NRXN1: variants seen among roughly 807,000 people sequenced by gnomAD.
The protein encoded by NRXN1 is neurexin 1, also known as neurexin-1.
In NRXN1, 39 loss-of-function variants were observed where a neutral mutation model predicts 150.9. The ratio of observed to expected loss-of-function variants is 0.26; its 90% CI spans 0.20 to 0.34. NRXN1 has a LOEUF of 0.34. Ranked by LOEUF, NRXN1 falls within the 10% of genes least tolerant of loss-of-function variation. The pLI is 1.00. For synonymous variants in NRXN1, 924 were observed against 757.0 expected (o/e 1.22, Z -3.62); for missense variants, 1,815 against 1,949.9 (o/e 0.93, Z 1.30).
intron 2 of NRXN1, among the ~76,000 whole-genome samples, chr2:50,995,306 G>A (rs904806843): frequency 2.0e-5 from 3 of 151,836 alleles, no homozygotes; most frequent in African/African-American, 7.3e-5. Flanking sequence ...GAAAAGACAG[G>A]AACTCAGAGG....
chr2:50,501,797 A>T (rs2091963396), intron 13 of NRXN1, among the ~76,000 whole-genome samples: 1 of 152,150 alleles, frequency 6.6e-6, no homozygotes, highest in Non-Finnish European at 1.5e-5. Context: ...GCTGGCAAAT[A>T]CTATCCTCAC....
At chr2:49,925,479 A>C (rs1182316251) in intron 22 of NRXN1, among the ~76,000 whole-genome samples, 1 of 152,104 alleles carries the variant, frequency 6.6e-6, no homozygotes, top group Non-Finnish European at 1.5e-5. Flanking sequence ...AATGTAGAGA[A>C]TAGTATCAAT....
At chr2:50,199,257 G>C (rs571957328) in intron 18 of NRXN1, 1 of 152,190 alleles carries the variant, frequency 6.6e-6, no homozygotes, top group South Asian at 2.1e-4. Context: ...ATTGGCTCCA[G>C]ATTTCATTAT....
intron 5 of NRXN1, among the ~76,000 whole-genome samples, chr2:50,828,001 A>G (rs1395054972): frequency 6.8e-6 from 1 of 148,072 alleles, no homozygotes; most frequent in African/African-American, 2.5e-5. Context: ...TCCCACGTCT[A>G]CTTCTTTCCA....
intron 8 of NRXN1, among the ~76,000 whole-genome samples, chr2:50,581,032 C>T (rs969009731): frequency 3.9e-5 from 6 of 152,092 alleles, no homozygotes; most frequent in Non-Finnish European, 8.8e-5. Context: ...GGACAATATA[C>T]TATGCTGAGA....
chr2:50,393,616 T>C (rs2081880473), intron 17 of NRXN1, among the ~76,000 whole-genome samples: 1 of 152,166 alleles, frequency 6.6e-6, no homozygotes, highest in African/African-American at 2.4e-5. Context: ...GTTCCTCACT[T>C]TTATCATAAC....
chr2:49,958,671 T>C (rs1675394261), intron 21 of NRXN1, among the ~76,000 whole-genome samples: 1 of 152,182 alleles, frequency 6.6e-6, no homozygotes, highest in Non-Finnish European at 1.5e-5. Flanking sequence ...AAACTTTTCT[T>C]GATGATTTGG....
chr2:51,003,804 C>G (rs947392317), intron 2 of NRXN1, among the ~76,000 whole-genome samples: 1 of 151,966 alleles, frequency 6.6e-6, no homozygotes, highest in African/African-American at 2.4e-5. Context: ...TGTTACCAAA[C>G]AAGAAGTGAG....
intron 8 of NRXN1, among the ~76,000 whole-genome samples, chr2:50,600,002 A>G (rs1285709009): frequency 1.3e-5 from 2 of 152,154 alleles, no homozygotes; most frequent in Non-Finnish European, 1.5e-5. Context: ...GAAATTAATT[A>G]TATATTAAAC....
rs2078838685 is a variant in NRXN1 at position 50,356,619 on chromosome 2, G to T, written c.3364+108823C>A. On this transcript the variant is annotated intron_variant, in intron 17 of 22. Transcript: ENST00000401669. ...TAGATCCAAAGACCTCTGTGGAATTGTTCCTGGTTGCGTTCAAGTACAGTA... is the reference window on the plus strand; with the variant it reads ...TAGATCCAAAGACCTCTGTGGAATTTTTCCTGGTTGCGTTCAAGTACAGTA... 2.0e-5 allele frequency among the ~76,000 whole-genome samples: 3 copies of T among 152,126 alleles called. No homozygotes were observed. The South Asian group carries it at 6.2e-4, about 31-fold the overall frequency.
At chr2:51,002,063 A>C (rs751528787) in intron 2 of NRXN1, among the ~76,000 whole-genome samples, 1 of 151,958 alleles carries the variant, frequency 6.6e-6, no homozygotes, top group Non-Finnish European at 1.5e-5. Flanking sequence ...CTTTTGTACA[A>C]CTGTCCACTC....
intron 5 of NRXN1, among the ~76,000 whole-genome samples, chr2:50,911,408 A>T (rs1337471465): frequency 6.6e-6 from 1 of 151,228 alleles, no homozygotes; most frequent in Non-Finnish European, 1.5e-5. Context: ...CTTACCATAC[A>T]TTTCCATATA....
intron 3 of NRXN1, among the ~76,000 whole-genome samples, chr2:50,925,581 T>C (rs1686735420): frequency 6.6e-6 from 1 of 151,840 alleles, no homozygotes; most frequent in Non-Finnish European, 1.5e-5. Context: ...TGATAAAAAA[T>C]GGAAAAAGGA....
At chr2:50,696,797 T>C (rs1043223246) in intron 5 of NRXN1, among the ~76,000 whole-genome samples, 2 of 152,168 alleles carry the variant, frequency 1.3e-5, no homozygotes, top group African/African-American at 4.8e-5. Context: ...CTAAGTTTCA[T>C]ATACTACCAG....
chr2:50,830,699 T>C (rs185176122), intron 5 of NRXN1, among the ~76,000 whole-genome samples: 2 of 150,064 alleles, frequency 1.3e-5, no homozygotes, highest in African/African-American at 4.9e-5. Context: ...GCTTGGTCCA[T>C]TTATAATACA....
chr2:50,111,444 G>A (rs1036511294), intron 18 of NRXN1, among the ~76,000 whole-genome samples: 1 of 151,932 alleles, frequency 6.6e-6, no homozygotes, highest in African/African-American at 2.4e-5. Context: ...GAGTGAGACC[G>A]CCTGGCCAAC....
chr2:50,799,617 C>A (rs1353928055), intron 5 of NRXN1, among the ~76,000 whole-genome samples: 1 of 152,120 alleles, frequency 6.6e-6, no homozygotes, highest in Non-Finnish European at 1.5e-5. Flanking sequence ...ACTTTCAGTA[C>A]AGTATTCAAT....
At position 51,028,482 on chromosome 2, in the gene NRXN1, T is replaced by C. The variant is rs112715587; in HGVS notation, c.-209A>G. The C allele has an allele frequency of 4.9e-3, 2,064 of 423,902 alleles. 9 individuals are homozygous for C. Among genetic ancestry groups the C allele is most frequent in the Non-Finnish European group, 6.7e-3 (1,603 of 240,754 alleles). 26.3% of individuals were successfully genotyped at this position (423,902 alleles called of 1,614,324 possible). ...TCTCTCCCTGTAGTCCTCTTCCAAC[T>C]GGAAAACGTTGACCCCAGTGGTACA... is the stretch of plus-strand genomic sequence containing the variant. On this transcript the variant is annotated 5_prime_UTR_variant, in exon 2 of 23. Transcript: ENST00000401669.
chr2:49,966,665 T>C (rs1677018865), intron 21 of NRXN1: 1 of 152,114 alleles, frequency 6.6e-6, no homozygotes, highest in African/African-American at 2.4e-5. Context: ...CTTTCTCCAG[T>C]ACAATGTCTT....
Sources: gnomAD v4.1 joint callset for allele counts (sites outside exome capture counted in the v4.1 genomes callset) on GRCh38, gnomAD v4.1.1 for gene constraint, MANE v1.5 for transcripts, NCBI Gene and HGNC (gene_info 2026-07-23, HGNC 2026-07-21) for gene names.